The following FRMPD4 variants were observed in gnomAD, a reference collection of about 807,000 sequenced individuals.
The protein encoded by FRMPD4 is FERM and PDZ domain containing 4.
Under a neutral mutation model 94.1 loss-of-function variants are expected in FRMPD4, and 22 were observed. The ratio of observed to expected loss-of-function variants is 0.23; its 90% confidence interval spans 0.17 to 0.33. The LOEUF is 0.33. FRMPD4 is among the 10% of genes least tolerant of loss of function. FRMPD4 has a pLI of 1.00. For synonymous variants in FRMPD4, 631 were observed against 548.6 expected (o/e 1.15, Z -2.10); for missense variants, 1,111 against 1,339.9 (o/e 0.83, Z 2.67).
intron 3 of FRMPD4, among the ~76,000 whole-genome samples, chrX:12,131,961 T>C (rs766641892): frequency 3.6e-5 from 4 of 112,463 alleles, no homozygotes; most frequent in South Asian, 3.7e-4. Flanking sequence ...AAAACAATAA[T>C]CTTTAAAACC....
At chrX:12,708,854 T>A (rs1348263247) in intron 13 of FRMPD4, 1 of 113,404 alleles carries the variant, frequency 8.8e-6, no homozygotes, top group South Asian at 3.7e-4. Context: ...GAACAGATGA[T>A]CACGAAAGAG....
chrX:11,930,011 G>A (rs6640824), intron 3 of FRMPD4, among the ~76,000 whole-genome samples: 36,350 of 102,620 alleles, frequency 0.35, 5,598 homozygotes, highest in East Asian at 0.82. Context: ...GGGAGGCTGA[G>A]GCAGGAGAAT....
At chrX:12,116,706 G>T (rs971373285) in intron 3 of FRMPD4, among the ~76,000 whole-genome samples, 8 of 111,559 alleles carry the variant, frequency 7.2e-5, no homozygotes, top group Admixed American at 6.7e-4. Flanking sequence ...GGCATTTTTG[G>T]ATCTGTCAGC....
intron 1 of FRMPD4, among the ~76,000 whole-genome samples, chrX:12,408,242 A>G (rs1339907554): frequency 9.4e-6 from 1 of 106,433 alleles, no homozygotes; most frequent in Non-Finnish European, 1.9e-5. Context: ...TAGGACTTAC[A>G]TACTAGATGT....
At chrX:11,928,793 A>G in intron 3 of FRMPD4, among the ~76,000 whole-genome samples, 1 of 112,635 alleles carries the variant, frequency 8.9e-6, no homozygotes, top group Non-Finnish European at 1.9e-5. Flanking sequence ...TTGTTCTATT[A>G]TAAAGACATA....
At chrX:12,640,326 A>C (rs1188724082) in intron 4 of FRMPD4, among the ~76,000 whole-genome samples, 4 of 97,314 alleles carry the variant, frequency 4.1e-5, no homozygotes, top group African/African-American at 1.1e-4. Context: ...AAAAAAAGGT[A>C]GTAAGGAGAG....
At chrX:11,968,940 C>T (rs1046294039) in intron 3 of FRMPD4, among the ~76,000 whole-genome samples, 4 of 112,334 alleles carry the variant, frequency 3.6e-5, no homozygotes, top group African/African-American at 1.3e-4. Context: ...CGTTCTCAAC[C>T]AACAAGCTAC....
At chrX:12,419,678 C>T (rs1402787327) in intron 1 of FRMPD4, among the ~76,000 whole-genome samples, 4 of 111,244 alleles carry the variant, frequency 3.6e-5, no homozygotes. Flanking sequence ...TATCAGTTCA[C>T]TGAACCTATT....
intron 2 of FRMPD4, among the ~76,000 whole-genome samples, chrX:12,563,530 C>G (rs1454780543): frequency 1.8e-5 from 2 of 112,286 alleles, no homozygotes; most frequent in African/African-American, 3.2e-5. Context: ...GGAAGATAAA[C>G]ACAAGGCTCC....
At chrX:11,992,513 A>T (rs1855336192) in intron 3 of FRMPD4, among the ~76,000 whole-genome samples, 1 of 111,627 alleles carries the variant, frequency 9.0e-6, no homozygotes, top group Non-Finnish European at 1.9e-5. Flanking sequence ...TTTGCACTTC[A>T]ATATTTTGAT....
chrX:12,398,757 CA>C (rs374924286), intron 1 of FRMPD4, among the ~76,000 whole-genome samples: 9 of 110,502 alleles, frequency 8.1e-5, no homozygotes, highest in East Asian at 2.8e-4. Context: ...GAAATCCATC[CA>C]AAAAAAATTA....
intron 1 of FRMPD4, among the ~76,000 whole-genome samples, chrX:12,211,980 G>A (rs889303896): frequency 9.0e-6 from 1 of 111,636 alleles, no homozygotes; most frequent in South Asian, 3.7e-4. Context: ...GTGAGTTGAT[G>A]TTATTTCCAT....
chrX:12,366,787 T>C (rs1225733971), intron 1 of FRMPD4, among the ~76,000 whole-genome samples: 1 of 111,905 alleles, frequency 8.9e-6, no homozygotes, highest in Admixed American at 9.4e-5. Flanking sequence ...CATGGGGCTG[T>C]GGGGCATTGA....
At chrX:12,274,136 T>A (rs2054395960) in intron 1 of FRMPD4, among the ~76,000 whole-genome samples, 1 of 83,076 alleles carries the variant, frequency 1.2e-5, no homozygotes, top group Admixed American at 1.7e-4. Flanking sequence ...CCTCTAGGAT[T>A]TTTTTTTTTT....
intron 1 of FRMPD4, among the ~76,000 whole-genome samples, chrX:12,411,990 G>A (rs774146665): frequency 3.6e-5 from 4 of 111,794 alleles, no homozygotes; most frequent in Admixed American, 9.4e-5. Flanking sequence ...TGTCTGCTGC[G>A]TAATCAACTA....
intron 3 of FRMPD4, among the ~76,000 whole-genome samples, chrX:12,087,037 G>A (rs1160723435): frequency 9.0e-6 from 1 of 111,714 alleles, no homozygotes; most frequent in Non-Finnish European, 1.9e-5. Flanking sequence ...CAAGAGGGCA[G>A]CTCACTTCCA....
At chrX:11,869,133 T>A (rs1017915158) in intron 2 of FRMPD4, among the ~76,000 whole-genome samples, 3 of 112,383 alleles carry the variant, frequency 2.7e-5, no homozygotes, top group Non-Finnish European at 5.6e-5. Flanking sequence ...TGATACTAAC[T>A]TAATGTTGTA....
intron 1 of FRMPD4, among the ~76,000 whole-genome samples, chrX:12,324,417 C>A (rs143288793): frequency 7.0e-4 from 78 of 112,218 alleles, no homozygotes; most frequent in Middle Eastern, 4.6e-3. Flanking sequence ...ATAGCTTCTG[C>A]CCTTCTTTGT....
chrX:12,298,707 G>A (rs1301301819), intron 1 of FRMPD4, among the ~76,000 whole-genome samples: 2 of 112,413 alleles, frequency 1.8e-5, no homozygotes, highest in Non-Finnish European at 3.8e-5. Context: ...GAAACTCTGA[G>A]ATGTTTATTA....
Sources: gnomAD v4.1 joint callset for allele counts (sites outside exome capture counted in the v4.1 genomes callset) on GRCh38, gnomAD v4.1.1 for gene constraint, MANE v1.5 for transcripts, NCBI Gene and HGNC (gene_info 2026-07-23, HGNC 2026-07-21) for gene names.